Variants in STIM1 observed in about 807,000 individuals in gnomAD.
STIM1 encodes stromal interaction molecule 1.
In STIM1, 25 loss-of-function variants were observed where a neutral mutation model predicts 74.7. That is an observed-to-expected ratio of 0.33 (90% CI 0.24 to 0.47). The LOEUF is 0.47. STIM1 is among the 20% of genes least tolerant of loss of function. STIM1 has a pLI of 1.00. For missense variants in STIM1, 728 were observed against 920.8 expected, an observed-to-expected ratio of 0.79 and a Z score of 2.71; for synonymous variants, 328 against 348.8, an observed-to-expected ratio of 0.94 and a Z score of 0.66.
chr11:4,091,136 C>T (rs1042776236), intron 12 of STIM1, 146 bp from the exon 13 acceptor site: 26 of 1,084,568 alleles, frequency 2.4e-5, no homozygotes, highest in Non-Finnish European at 3.5e-5. Flanking sequence ...CCTGCCTGTT[C>T]ATCCTATTTC....
intron 3 of STIM1, among the ~76,000 whole-genome samples, chr11:4,046,296 TC>T (rs2094193199): frequency 6.6e-6 from 1 of 152,126 alleles, no homozygotes; most frequent in South Asian, 2.1e-4. Flanking sequence ...TTTATCTTTT[TC>T]TTCCAACATA....
chr11:3,887,542 G>A (rs2091753629), intron 1 of STIM1, among the ~76,000 whole-genome samples: 1 of 152,176 alleles, frequency 6.6e-6, no homozygotes, highest in Non-Finnish European at 1.5e-5. Flanking sequence ...CTTTAAAAAG[G>A]CATTGAGACA....
At chr11:4,000,141 C>T (rs2093700145) in intron 2 of STIM1, among the ~76,000 whole-genome samples, 1 of 151,564 alleles carries the variant, frequency 6.6e-6, no homozygotes, top group African/African-American at 2.4e-5. Context: ...TCTGTAGGCT[C>T]CACCTCTGGG....
intron 10 of STIM1, 131 bp from the exon 11 acceptor site, chr11:4,084,542 T>C: frequency 3.5e-6 from 2 of 575,426 alleles, no homozygotes; most frequent in South Asian, 1.6e-5. Context: ...TTCTCCAGGC[T>C]GGGAGGGACC....
chr11:4,013,255 A>G (rs979272197), intron 2 of STIM1, among the ~76,000 whole-genome samples: 1 of 152,108 alleles, frequency 6.6e-6, no homozygotes, highest in Non-Finnish European at 1.5e-5. Context: ...GTTAAGGAGG[A>G]TTCCCTCTTT....
At chr11:3,878,724 A>C (rs2091388478) in intron 1 of STIM1, among the ~76,000 whole-genome samples, 1 of 152,200 alleles carries the variant, frequency 6.6e-6, no homozygotes, top group South Asian at 2.1e-4. Context: ...TCCCTATGAC[A>C]GTGCTTACCA....
At chr11:3,855,534 G>C (rs1241464574), upstream of STIM1, 1 of 150,634 alleles carries the variant, frequency 6.6e-6, no homozygotes, top group Admixed American at 6.6e-5. Context: ...CGTCTTCACC[G>C]GTTATTCCGG....
chr11:4,078,591 G>A (rs1315924323), intron 7 of STIM1, among the ~76,000 whole-genome samples: 1 of 149,988 alleles, frequency 6.7e-6, no homozygotes, highest in African/African-American at 2.5e-5. Context: ...TTTTAAGATG[G>A]AGTCTCGCTC....
chr11:4,067,638 G>C (rs1398587708), intron 5 of STIM1, among the ~76,000 whole-genome samples: 1 of 152,234 alleles, frequency 6.6e-6, no homozygotes, highest in Non-Finnish European at 1.5e-5. Flanking sequence ...TAGCAAGTTA[G>C]TGTCCCTTAC....
chr11:4,037,019 C>T (rs2094109204), intron 3 of STIM1, among the ~76,000 whole-genome samples: 1 of 152,012 alleles, frequency 6.6e-6, no homozygotes, highest in South Asian at 2.1e-4. Flanking sequence ...CAATTTTCCA[C>T]CTACTTGTTC....
chr11:4,033,398 A>G (rs192490933), intron 3 of STIM1, among the ~76,000 whole-genome samples: 157 of 152,296 alleles, frequency 1.0e-3, no homozygotes, highest in African/African-American at 3.6e-3. Flanking sequence ...TGTATATTCT[A>G]TGAAGTGCTA....
At chr11:4,064,089 G>C (rs2094349860) in intron 5 of STIM1, among the ~76,000 whole-genome samples, 1 of 152,116 alleles carries the variant, frequency 6.6e-6, no homozygotes, top group African/African-American at 2.4e-5. Flanking sequence ...TCTCATTCAA[G>C]GATTCTGATA....
At chr11:4,074,161 A>G (rs1163601736) in intron 6 of STIM1, among the ~76,000 whole-genome samples, 2 of 152,218 alleles carry the variant, frequency 1.3e-5, no homozygotes, top group Non-Finnish European at 2.9e-5. Flanking sequence ...AATGATACCA[A>G]TATATCATTA....
intron 4 of STIM1, 25 bp downstream of exon 4, chr11:4,055,662 C>T (rs113530343): frequency 4.5e-6 from 7 of 1,541,368 alleles, no homozygotes; most frequent in African/African-American, 2.7e-5. Context: ...GGGTTTTTCT[C>T]TGTTGAGGGT....
At chr11:3,939,897 T>C (rs2092983831) in intron 1 of STIM1, among the ~76,000 whole-genome samples, 1 of 152,216 alleles carries the variant, frequency 6.6e-6, no homozygotes, top group East Asian at 1.9e-4. Context: ...GTTCTGTAGC[T>C]GAAGCTGTGT....
intron 1 of STIM1, among the ~76,000 whole-genome samples, chr11:3,910,089 G>A (rs996486196): frequency 6.6e-6 from 1 of 152,152 alleles, no homozygotes; most frequent in Non-Finnish European, 1.5e-5. Context: ...TTTAGGGCAA[G>A]ATGTTTAGGA....
At position 4,037,993 on chromosome 11, in the gene STIM1, GTTGCT is replaced by G. The variant is rs1320213163; in HGVS notation, c.385+14009_385+14013del. ...ATTAGATATAACTGGTATTTTAGTGGTTGCTTTAGGAGATAAAAGATATGTATCTT... is the reference window on the plus strand; with the variant it reads ...ATTAGATATAACTGGTATTTTAGTGGTTAGGAGATAAAAGATATGTATCTT... On this transcript the variant is annotated intron_variant, in intron 3 of 12. Transcript: ENST00000526596. Among the ~76,000 whole-genome samples the G allele has an allele frequency of 1.0e-4, 15 of 149,420 alleles. No homozygotes were observed. The South Asian group carries it at 2.7e-3, about 27-fold the overall frequency.
chr11:4,084,568 C>A, intron 10 of STIM1, 105 bp from the exon 11 acceptor site: 1 of 898,666 alleles, frequency 1.1e-6, no homozygotes, highest in Non-Finnish European at 1.6e-6. Flanking sequence ...TAGCTCTGAG[C>A]TACCCAATCC....
intron 1 of STIM1, among the ~76,000 whole-genome samples, chr11:3,917,030 C>T (rs2092654167): frequency 6.6e-6 from 1 of 152,196 alleles, no homozygotes; most frequent in African/African-American, 2.4e-5. Context: ...CACTGATGTG[C>T]ATTTGATAGG....
Sources: gnomAD v4.1 joint callset for allele counts (sites outside exome capture counted in the v4.1 genomes callset) on GRCh38, gnomAD v4.1.1 for gene constraint, MANE v1.5 for transcripts, NCBI Gene and HGNC (gene_info 2026-07-23, HGNC 2026-07-21) for gene names.